KIAA1217: variants seen among roughly 807,000 people sequenced by gnomAD.
The protein encoded by KIAA1217 is sickle tail protein homolog.
KIAA1217 carries 88 observed loss-of-function variants against 163.9 expected under a neutral mutation model. That is an observed-to-expected ratio of 0.54 (90% CI 0.45 to 0.64). The LOEUF (loss-of-function observed/expected upper bound fraction) is 0.64. KIAA1217 is among the 30% of genes least tolerant of loss of function. The probability of loss-of-function intolerance (pLI) is 0.00; values close to 1 mark genes in which losing one functional copy is unlikely to be tolerated. For missense variants in KIAA1217, 2,372 were observed against 2,475.0 expected (o/e 0.96, Z 0.88); for synonymous variants, 903 against 923.1 (o/e 0.98, Z 0.39).
chr10:24,022,170 A>G (rs1847760730), intron 2 of KIAA1217, among the ~76,000 whole-genome samples: 1 of 151,692 alleles, frequency 6.6e-6, no homozygotes, highest in Non-Finnish European at 1.5e-5. Flanking sequence ...GACAAGCCAC[A>G]CACTGGAAGA....
chr10:23,901,976 T>C (rs1408963461), intron 1 of KIAA1217, among the ~76,000 whole-genome samples: 1 of 150,184 alleles, frequency 6.7e-6, no homozygotes, highest in Non-Finnish European at 1.5e-5. Context: ...CATACTTGGA[T>C]ATGTATCCAG....
chr10:23,843,741 C>T (rs1318069917), intron 1 of KIAA1217, among the ~76,000 whole-genome samples: 1 of 152,144 alleles, frequency 6.6e-6, no homozygotes, highest in African/African-American at 2.4e-5. Context: ...GACCTGTTCC[C>T]TTGGCGAAAA....
chr10:23,786,540 A>C (rs79156458), intron 1 of KIAA1217, among the ~76,000 whole-genome samples: 1 of 137,430 alleles, frequency 7.3e-6, no homozygotes, highest in Non-Finnish European at 1.6e-5. Flanking sequence ...GAAGTAGCCA[A>C]AAAAAAAAAA....
chr10:24,407,712 C>T (rs1591680805), intron 3 of KIAA1217, among the ~76,000 whole-genome samples: 1 of 152,226 alleles, frequency 6.6e-6, no homozygotes, highest in East Asian at 1.9e-4. Flanking sequence ...ATGTTCATGT[C>T]CCATTCCATT....
At chr10:23,920,425 T>C (rs16924071) in intron 1 of KIAA1217, among the ~76,000 whole-genome samples, 2,970 of 152,280 alleles carry the variant, frequency 0.02, 61 homozygotes, top group Admixed American at 0.063. Flanking sequence ...AAATTTTGTT[T>C]TGAAGGCAAC....
At chr10:23,949,330 A>G (rs1844218404) in intron 1 of KIAA1217, among the ~76,000 whole-genome samples, 1 of 152,200 alleles carries the variant, frequency 6.6e-6, no homozygotes. Flanking sequence ...GAGATTTTGT[A>G]AGCCTGATTA....
intron 1 of KIAA1217, among the ~76,000 whole-genome samples, chr10:23,818,660 T>C (rs1368064693): frequency 2.0e-5 from 3 of 152,136 alleles, no homozygotes; most frequent in Non-Finnish European, 4.4e-5. Flanking sequence ...TAGTGCTTGT[T>C]TGATCACAGC....
intron 1 of KIAA1217, among the ~76,000 whole-genome samples, chr10:23,946,204 C>A (rs1844032209): frequency 6.7e-6 from 1 of 150,156 alleles, no homozygotes; most frequent in South Asian, 2.1e-4. Flanking sequence ...TCCTAGACTT[C>A]TCTACAGCCT....
intron 1 of KIAA1217, among the ~76,000 whole-genome samples, chr10:23,747,587 C>T (rs1824560800): frequency 6.6e-6 from 1 of 152,032 alleles, no homozygotes; most frequent in African/African-American, 2.4e-5. Flanking sequence ...TAAGGAAGGA[C>T]ATTTCCTTAT....
chr10:24,158,592 T>C (rs964617472), intron 2 of KIAA1217: 4 of 506,568 alleles, frequency 7.9e-6, no homozygotes, highest in African/African-American at 7.8e-5. Flanking sequence ...CTGACAGACG[T>C]GCTTTATCAT....
At chr10:23,863,067 A>G (rs904315973) in intron 1 of KIAA1217, among the ~76,000 whole-genome samples, 1 of 152,134 alleles carries the variant, frequency 6.6e-6, no homozygotes, top group Non-Finnish European at 1.5e-5. Flanking sequence ...TCATCTGTTT[A>G]TAACCTACTT....
chr10:24,239,309 C>T, intron 2 of KIAA1217: 3 of 985,162 alleles, frequency 3.0e-6, no homozygotes, highest in Non-Finnish European at 3.6e-6. Context: ...GCTTTAACTG[C>T]CGCCTCACCT....
intron 5 of KIAA1217, among the ~76,000 whole-genome samples, chr10:24,460,299 G>C (rs540408721): frequency 2.0e-5 from 3 of 151,784 alleles, no homozygotes; most frequent in Non-Finnish European, 4.4e-5. Context: ...AGCCTTACAC[G>C]TGAGAATTTC....
chr10:24,244,548 CTTTTCTTTCTTTCT>C lies in KIAA1217; in HGVS notation c.354+24644_354+24657del, dbSNP rs1413030715. Among the ~76,000 whole-genome samples the C allele has an allele frequency of 1.1e-4, 15 of 140,612 alleles. No individual in the cohort carries two copies. The East Asian group carries it at 3.0e-3, about 28-fold the overall frequency. The allele number at this position is 140,612 out of a possible 152,430, so 92.2% of individuals were successfully genotyped here. On this transcript the variant is annotated intron_variant, in intron 2 of 20. Coordinates refer to ENST00000376454, the MANE Select transcript of KIAA1217 (RefSeq NM_019590.5). ...CCTTGGGCATTAATTGGGCTTCCCT[CTTTTCTTTCTTTCT>C]TTTTTTTTTTTTTTTTTTTTTGAGA...
intron 1 of KIAA1217, among the ~76,000 whole-genome samples, chr10:23,869,124 G>GTTTTTTTTTTTTTTTTT (rs58288361): frequency 6.3e-5 from 2 of 31,724 alleles, no homozygotes; most frequent in African/African-American, 2.4e-4. Context: ...ATGAAATGTA[G>GTTTTTTTTTTTTTTTTT]TTTTTTTTTT....
intron 2 of KIAA1217, among the ~76,000 whole-genome samples, chr10:24,237,438 C>G (rs1218701760): frequency 1.3e-5 from 2 of 152,236 alleles, no homozygotes; most frequent in African/African-American, 4.8e-5. Flanking sequence ...TCTGGACTCT[C>G]TCCATTTGCC....
At chr10:24,208,556 G>A (rs2067698747), upstream of KIAA1217, among the ~76,000 whole-genome samples, 1 of 152,098 alleles carries the variant, frequency 6.6e-6, no homozygotes, top group African/African-American at 2.4e-5. Flanking sequence ...GTTAGTGCCG[G>A]AAAGTGCTTA....
At chr10:24,360,563 A>G (rs527937459) in intron 2 of KIAA1217, among the ~76,000 whole-genome samples, 15 of 152,302 alleles carry the variant, frequency 9.8e-5, no homozygotes, top group African/African-American at 3.4e-4. Context: ...AGTTTGAACC[A>G]GGGCCATTTG....
intron 2 of KIAA1217, among the ~76,000 whole-genome samples, chr10:24,370,974 G>A (rs148273058): frequency 3.3e-5 from 5 of 152,336 alleles, no homozygotes; most frequent in African/African-American, 1.2e-4. Context: ...GAAAGTCTGA[G>A]TTAATGAGAT....
Sources: allele counts gnomAD v4.1 joint callset (sites outside exome capture counted in the v4.1 genomes callset), GRCh38; gene constraint gnomAD v4.1.1; transcripts MANE v1.5; gene names NCBI Gene and HGNC (gene_info 2026-07-23, HGNC 2026-07-21).